Variants in SEMA3F observed in about 807,000 individuals in gnomAD.
The protein encoded by SEMA3F is semaphorin-3F.
Under a neutral mutation model 98.5 loss-of-function variants are expected in SEMA3F, and 30 were observed. The observed-to-expected ratio is 0.30, with a 90% CI of 0.23 to 0.41. SEMA3F has a LOEUF of 0.41. SEMA3F is among the 10% of genes least tolerant of loss of function. The pLI is 1.00. For missense variants in SEMA3F, 866 were observed against 1,119.3 expected, an observed-to-expected ratio of 0.77 and a Z score of 3.23; for synonymous variants, 380 against 444.8, an observed-to-expected ratio of 0.85 and a Z score of 1.83.
chr3:50,187,687 CT>C lies in SEMA3F; in HGVS notation c.1948-17del. The C allele has an allele frequency of 6.4e-7, 1 of 1,554,542 alleles. No homozygotes were observed. The highest frequency in any genetic ancestry group is 8.7e-7 in the Non-Finnish European group (1 of 1,143,674). On this transcript the variant is annotated splice_polypyrimidine_tract_variant and intron_variant, in intron 18 of 18. Transcript: ENST00000002829. ...GGTGGTCACAGAGCCTCTGAACCCC[CT>C]CTCCTTGCCCCTGCAGATTCGTGCA... is the stretch of plus-strand genomic sequence containing the variant.
intron 2 of SEMA3F, chr3:50,173,514 C>T (rs941999046): frequency 7.3e-6 from 3 of 412,096 alleles, no homozygotes; most frequent in East Asian, 4.3e-5. Flanking sequence ...TGGTGGCTGA[C>T]GCCTGTAATC....
Position 50,155,367 on chromosome 3 carries a change from C to T in SEMA3F, c.-246C>T. On this transcript the variant is annotated 5_prime_UTR_variant, in exon 1 of 19. Transcript: ENST00000002829. This position sits in a 1 kb window ranked among gnomAD's most constrained non-coding sequence, Gnocchi z 4.9. ...CCATGGCCCGGGCTGGGGCCCGGGC[C>T]CTCGGCTGCTGACGCGCCCGAAGCC... is the stretch of plus-strand genomic sequence containing the variant. The T allele has an allele frequency of 3.4e-6, 1 of 292,618 alleles. No homozygotes were observed. Among genetic ancestry groups the T allele is most frequent in the Non-Finnish European group, 6.2e-6 (1 of 160,422 alleles). 18.1% of individuals were successfully genotyped at this position (292,618 alleles called of 1,614,324 possible).
At chr3:50,184,539 C>CCAGCCTGCCCTGCCCAGG in intron 12 of SEMA3F, 53 bp from the exon 13 acceptor site, 2 of 1,415,086 alleles carry the variant, frequency 1.4e-6, no homozygotes, top group Non-Finnish European at 2.0e-6. Flanking sequence ...GCTAATGGCT[C>CCAGCCTGCCCTGCCCAGG]CAGCCTGCCC....
At chr3:50,186,133 G>A in intron 16 of SEMA3F, 87 bp downstream of exon 16, 1 of 1,484,544 alleles carries the variant, frequency 6.7e-7, no homozygotes, top group South Asian at 1.2e-5. Context: ...TATTACCCGG[G>A]GTGCATGTGA....
chr3:50,172,727 A>C (rs1698662594), intron 2 of SEMA3F, among the ~76,000 whole-genome samples: 1 of 152,164 alleles, frequency 6.6e-6, no homozygotes, highest in Non-Finnish European at 1.5e-5. Flanking sequence ...TGTGTCCAGC[A>C]GGGCTTTCTG....
In SEMA3F at chr3:50,159,769, C is replaced by T. The variant is rs781222940; in HGVS notation, c.112+35C>T. ...TGTTTTGTTCTTCCCCAGAAATCATCCTCTCTTTACAATAGCGCTCGGCTC... is the reference window on the plus strand; with the variant it reads ...TGTTTTGTTCTTCCCCAGAAATCATTCTCTCTTTACAATAGCGCTCGGCTC... On this transcript the variant is annotated intron_variant, in intron 2 of 18. Coordinates refer to ENST00000002829, the MANE Select transcript of SEMA3F (RefSeq NM_004186.5). 5 of 1,391,542 alleles carry T rather than the reference C, an allele frequency of 3.6e-6. No individual in the cohort carries two copies. In the Admixed American group the frequency reaches 5.1e-5, roughly 14 times the overall value. 86.2% of individuals were successfully genotyped at this position (1,391,542 alleles called of 1,614,324 possible). A position where few individuals can be genotyped will look rare whatever the true frequency, so the allele number is the denominator to read the frequency against.
At position 50,182,834 on chromosome 3, in the gene SEMA3F, A is replaced by G. The variant is rs1211094355; in HGVS notation, c.903+51A>G. On this transcript the variant is annotated intron_variant, in intron 9 of 18. Transcript: ENST00000002829. The surrounding 1 kb of genome is among the most constrained non-coding windows in gnomAD (Gnocchi z 4.5). ...TGCCCCTTCCACCAGTTCTGGCTTCATCAGCCCTGCTCCAGCCAGGGCTTG... is the reference window on the plus strand; with the variant it reads ...TGCCCCTTCCACCAGTTCTGGCTTCGTCAGCCCTGCTCCAGCCAGGGCTTG... The G allele has an allele frequency of 3.1e-6, 5 of 1,610,962 alleles. No individual in the cohort carries two copies. The highest frequency in any genetic ancestry group is 1.1e-5 in the South Asian group (1 of 90,984).
At chr3:50,171,254 C>T (rs1040656136) in intron 2 of SEMA3F, among the ~76,000 whole-genome samples, 1 of 152,206 alleles carries the variant, frequency 6.6e-6, no homozygotes, top group Admixed American at 6.5e-5. Context: ...TGAGTGTTCT[C>T]TACGGCCTTT....
chr3:50,182,906 C>T lies in SEMA3F; in HGVS notation c.906C>T (p.Asn302=), dbSNP rs776160589. The part of the protein sequence containing the change: ...VYARIGRICL[N]DDGGHCCLVN... ...CGGCCTCTTGCCCCACCCCCCAGAA[C>T]GATGACGGTGGTCACTGTTGCCTGG... Residue 302 remains asparagine (N), a splice_region_variant and synonymous_variant, in exon 10 of 19, where the codon AAC becomes AAT. Coordinates refer to ENST00000002829, the MANE Select transcript of SEMA3F (RefSeq NM_004186.5). The surrounding 1 kb of genome is among the most constrained non-coding windows in gnomAD (Gnocchi z 4.5). 1.6e-5 allele frequency: 26 copies of T among 1,613,634 alleles called. No homozygotes were observed. Among genetic ancestry groups the T allele is most frequent in the South Asian group, 3.3e-5 (3 of 91,086 alleles).
chr3:50,161,080 G>C (rs1277490235), intron 2 of SEMA3F, among the ~76,000 whole-genome samples: 1 of 152,176 alleles, frequency 6.6e-6, no homozygotes, highest in African/African-American at 2.4e-5. Context: ...TCTTGAAGGG[G>C]CCAGTTCCCC....
At chr3:50,181,618 C>T (rs1008535925) in intron 7 of SEMA3F, among the ~76,000 whole-genome samples, 1 of 148,842 alleles carries the variant, frequency 6.7e-6, no homozygotes, top group Admixed American at 6.7e-5. Context: ...AGCCACCATG[C>T]CCGGCCTCTT....
rs541876628 is a variant in SEMA3F at position 50,182,460 on chromosome 3, G to A, written c.763+57G>A. On this transcript the variant is annotated intron_variant, in intron 8 of 18. Transcript: ENST00000002829. The surrounding 1 kb of genome is among the most constrained non-coding windows in gnomAD (Gnocchi z 4.5). ...CATGTGTCTGGGATGCGGCAAGGAG[G>A]TCGTAAAGAAGCACATGTGGGGGAA... 2 of 1,607,660 alleles carry A rather than the reference G, an allele frequency of 1.2e-6. No homozygotes were observed. The highest frequency in any genetic ancestry group is 1.3e-5 in the African/African-American group (1 of 75,008).
chr3:50,184,302 CA>C (rs779961597), intron 12 of SEMA3F: 8 of 470,324 alleles, frequency 1.7e-5, no homozygotes, highest in Non-Finnish European at 2.7e-5. Flanking sequence ...AAGGAGATGA[CA>C]GGGGTGGGGA....
At chr3:50,170,235 C>T (rs544818745) in intron 2 of SEMA3F, among the ~76,000 whole-genome samples, 1 of 152,196 alleles carries the variant, frequency 6.6e-6, no homozygotes, top group Admixed American at 6.5e-5. Context: ...ACCTTGGTTC[C>T]CCTCTGGTAG....
chr3:50,179,392 C>T (rs967872353), intron 7 of SEMA3F, among the ~76,000 whole-genome samples: 1 of 150,642 alleles, frequency 6.6e-6, no homozygotes, highest in South Asian at 2.1e-4. Flanking sequence ...GTGGCACCAT[C>T]TTGGCTTACC....
intron 2 of SEMA3F, among the ~76,000 whole-genome samples, chr3:50,167,692 G>T (rs1206122539): frequency 6.6e-6 from 1 of 152,186 alleles, no homozygotes; most frequent in Admixed American, 6.5e-5. Flanking sequence ...TTGCAAAGGG[G>T]CCCCTCGTTG....
chr3:50,155,286 A>C, upstream of SEMA3F: 1 of 318,810 alleles, frequency 3.1e-6, no homozygotes, highest in Non-Finnish European at 5.7e-6. This position sits in a 1 kb window ranked among gnomAD's most constrained non-coding sequence, Gnocchi z 4.9. Flanking sequence ...CGCGCCGGCC[A>C]GGGGGCGCCC....
chr3:50,183,329 G>GC lies in SEMA3F; in HGVS notation c.1088+77dup. ...GGATTGTAACTCGTGGAGAACCCCAGCCCGGTGGCGAGCTGTGGGGAGGGG... is the reference window on the plus strand; with the variant it reads ...GGATTGTAACTCGTGGAGAACCCCAGCCCCGGTGGCGAGCTGTGGGGAGGGG... On this transcript the variant is annotated intron_variant, in intron 11 of 18. Coordinates refer to ENST00000002829, the MANE Select transcript of SEMA3F (RefSeq NM_004186.5). The GC allele has an allele frequency of 3.7e-6, 6 of 1,604,308 alleles. No homozygotes were observed. The South Asian group carries it at 5.5e-5, about 15-fold the overall frequency.
chr3:50,167,592 G>A (rs1007740184), intron 2 of SEMA3F, among the ~76,000 whole-genome samples: 2 of 149,816 alleles, frequency 1.3e-5, no homozygotes, highest in African/African-American at 4.9e-5. Flanking sequence ...CACTGAAATG[G>A]GAGGGAAGTG....
Sources: gnomAD v4.1 joint callset for allele counts (sites outside exome capture counted in the v4.1 genomes callset) on GRCh38, gnomAD v4.1.1 for gene constraint, Gnocchi (gnomAD v3.1) non-coding constraint, MANE v1.5 for transcripts, NCBI Gene and HGNC (gene_info 2026-07-23, HGNC 2026-07-21) for gene names.